The following CTNNA3 variants were observed in gnomAD, a reference collection of about 807,000 sequenced individuals.
CTNNA3 encodes catenin alpha-3.
Under a neutral mutation model 95.7 loss-of-function variants are expected in CTNNA3, and 76 were observed. That is an observed-to-expected ratio of 0.79 (90% confidence interval 0.66 to 0.96). The LOEUF (loss-of-function observed/expected upper bound fraction) is 0.96. Among genes scored for constraint, CTNNA3 ranks in the 40% least tolerant of loss-of-function variants. The pLI is 0.00. For synonymous variants in CTNNA3, 431 were observed against 374.4 expected (o/e 1.15, Z -1.74); for missense variants, 1,191 against 1,089.8 (o/e 1.09, Z -1.31).
At chr10:67,717,878 G>A (rs1253464207) in intron 1 of CTNNA3, among the ~76,000 whole-genome samples, 5 of 152,144 alleles carry the variant, frequency 3.3e-5, no homozygotes, top group African/African-American at 1.2e-4. Flanking sequence ...GCTTGATGGG[G>A]ATAGCATTAA....
intron 15 of CTNNA3, among the ~76,000 whole-genome samples, chr10:66,024,919 A>C (rs2079305425): frequency 6.6e-6 from 1 of 152,182 alleles, no homozygotes; most frequent in African/African-American, 2.4e-5. Flanking sequence ...GGGGCTGCTG[A>C]TTATTTACAG....
chr10:66,113,930 G>T (rs1045426464), intron 13 of CTNNA3, among the ~76,000 whole-genome samples: 2 of 152,034 alleles, frequency 1.3e-5, no homozygotes, highest in Non-Finnish European at 2.9e-5. Context: ...TTGATCTATG[G>T]GGGGAGGTGG....
intron 13 of CTNNA3, among the ~76,000 whole-genome samples, chr10:66,215,201 C>T (rs2088445754): frequency 6.6e-6 from 1 of 152,034 alleles, no homozygotes; most frequent in African/African-American, 2.4e-5. Context: ...CTGGATGCCA[C>T]CAGGAGGCGG....
rs1857014165 is a variant in CTNNA3, at chr10:67,080,878, C to G, written c.1047+99439G>C. Among the ~76,000 whole-genome samples the G allele has an allele frequency of 2.0e-5, 3 of 150,848 alleles. No individual in the cohort carries two copies. The South Asian group carries it at 6.3e-4, about 32-fold the overall frequency. On this transcript the variant is annotated intron_variant, in intron 7 of 17. Coordinates refer to ENST00000433211, the MANE Select transcript of CTNNA3 (RefSeq NM_013266.4). ...GAGCCCAGATCTGGCCACTGCACTC[C>G]AGCCTGGGCGAGAGAGCGAGACTCT...
At chr10:67,615,407 T>C (rs890367095) in intron 2 of CTNNA3, among the ~76,000 whole-genome samples, 3 of 152,186 alleles carry the variant, frequency 2.0e-5, no homozygotes, top group Non-Finnish European at 4.4e-5. Context: ...CCTGGATAAA[T>C]ATAAAGCTAA....
At chr10:66,913,272 G>GAAA in intron 7 of CTNNA3, among the ~76,000 whole-genome samples, 1 of 102,392 alleles carries the variant, frequency 9.8e-6, no homozygotes, top group Middle Eastern at 5.1e-3. Context: ...AAAAGAAAAA[G>GAAA]AAAAAAGAAA....
chr10:66,390,458 A>G (rs1417700272), intron 11 of CTNNA3, among the ~76,000 whole-genome samples: 1 of 152,162 alleles, frequency 6.6e-6, no homozygotes, highest in African/African-American at 2.4e-5. Context: ...GTTATAATGC[A>G]AAATCGATTG....
intron 2 of CTNNA3, among the ~76,000 whole-genome samples, chr10:67,612,652 T>C (rs1158863267): frequency 6.6e-6 from 1 of 152,052 alleles, no homozygotes; most frequent in Non-Finnish European, 1.5e-5. Context: ...TGATAGAAAA[T>C]GAAAACACAG....
chr10:67,363,625 A>G (rs947373624), intron 5 of CTNNA3, among the ~76,000 whole-genome samples: 3 of 152,014 alleles, frequency 2.0e-5, no homozygotes, highest in Admixed American at 1.3e-4. Context: ...TAAAAATAAT[A>G]TAATAATAAA....
chr10:67,581,806 G>C (rs530332383), intron 3 of CTNNA3, among the ~76,000 whole-genome samples: 2 of 152,232 alleles, frequency 1.3e-5, no homozygotes, highest in South Asian at 4.2e-4. Context: ...ATGTGTCCAG[G>C]AATTTATCCA....
intron 5 of CTNNA3, among the ~76,000 whole-genome samples, chr10:67,480,197 T>TA (rs762936213): frequency 1.3e-5 from 2 of 151,960 alleles, no homozygotes; most frequent in Non-Finnish European, 2.9e-5. Flanking sequence ...GAAACTATTC[T>TA]AAAAAACTGA....
chr10:66,762,573 T>G (rs1373938496), intron 9 of CTNNA3, among the ~76,000 whole-genome samples: 1 of 151,682 alleles, frequency 6.6e-6, no homozygotes, highest in Non-Finnish European at 1.5e-5. Flanking sequence ...CCTCCTGTAT[T>G]ATTAGTATAG....
At chr10:66,117,917 C>T (rs948845602) in intron 13 of CTNNA3, among the ~76,000 whole-genome samples, 1 of 152,158 alleles carries the variant, frequency 6.6e-6, no homozygotes, top group Non-Finnish European at 1.5e-5. Context: ...GATCATCAGG[C>T]CACTGGCCCT....
At chr10:66,421,930 GA>G (rs1295667474) in intron 11 of CTNNA3, among the ~76,000 whole-genome samples, 14 of 97,028 alleles carry the variant, frequency 1.4e-4, no homozygotes, top group Admixed American at 7.1e-4. Flanking sequence ...ACACACACAA[GA>G]AAAAAAGAAT....
chr10:67,160,075 A>G (rs1169528074), intron 7 of CTNNA3, among the ~76,000 whole-genome samples: 4 of 152,210 alleles, frequency 2.6e-5, no homozygotes, highest in Non-Finnish European at 5.9e-5. Flanking sequence ...CCGAATAGAC[A>G]TTTCTCAAGA....
chr10:66,345,032 T>C (rs2092493690), intron 12 of CTNNA3, among the ~76,000 whole-genome samples: 1 of 151,272 alleles, frequency 6.6e-6, no homozygotes, highest in South Asian at 2.1e-4. Context: ...TAGGGGAGAG[T>C]AAAACTCAGG....
intron 7 of CTNNA3, among the ~76,000 whole-genome samples, chr10:67,168,198 A>G (rs1861865709): frequency 6.6e-6 from 1 of 152,318 alleles, no homozygotes; most frequent in Non-Finnish European, 1.5e-5. Flanking sequence ...TATTAATACC[A>G]GATGTACAAA....
intron 5 of CTNNA3, among the ~76,000 whole-genome samples, chr10:67,320,875 T>C (rs1180469316): frequency 6.6e-6 from 1 of 152,168 alleles, no homozygotes; most frequent in Non-Finnish European, 1.5e-5. Context: ...GAAGGAAACA[T>C]TTCTGCTGTT....
chr10:66,633,675 A>G (rs4746610), intron 9 of CTNNA3, among the ~76,000 whole-genome samples: 53,284 of 151,616 alleles, frequency 0.35, 12,429 homozygotes, highest in African/African-American at 0.66. Context: ...GCAAGACTCC[A>G]TCTCAAAAAA....
Sources: gnomAD v4.1 joint callset for allele counts (sites outside exome capture counted in the v4.1 genomes callset) on GRCh38, gnomAD v4.1.1 for gene constraint, MANE v1.5 for transcripts, NCBI Gene and HGNC (gene_info 2026-07-23, HGNC 2026-07-21) for gene names.